The following SMURF1 variants were observed in gnomAD, a reference collection of about 807,000 sequenced individuals.
The protein encoded by SMURF1 is E3 ubiquitin-protein ligase SMURF1.
A neutral mutation model predicts 98.0 loss-of-function variants in SMURF1; 44 were observed. The ratio of observed to expected loss-of-function variants is 0.45; its 90% CI spans 0.35 to 0.58. The LOEUF is 0.58. SMURF1 is among the 20% of genes least tolerant of loss of function. SMURF1 has a pLI of 0.00. For missense variants in SMURF1, 687 were observed against 938.4 expected, an observed-to-expected ratio of 0.73 and a Z score of 3.50; for synonymous variants, 396 against 374.9, an observed-to-expected ratio of 1.06 and a Z score of -0.65.
At chr7:99,135,956 T>C (rs925229997) in intron 1 of SMURF1, among the ~76,000 whole-genome samples, 8 of 152,248 alleles carry the variant, frequency 5.3e-5, no homozygotes, top group Non-Finnish European at 1.0e-4. Flanking sequence ...AATTGTTTCA[T>C]TCTTACTTTT....
chr7:99,104,313 A>C (rs1797150486), intron 1 of SMURF1, among the ~76,000 whole-genome samples: 1 of 152,210 alleles, frequency 6.6e-6, no homozygotes, highest in Admixed American at 6.5e-5. Context: ...AATAAATAGT[A>C]ATAAAAGTAT....
intron 1 of SMURF1, among the ~76,000 whole-genome samples, chr7:99,128,593 C>T (rs1031861303): frequency 2.0e-5 from 3 of 152,202 alleles, no homozygotes; most frequent in Non-Finnish European, 4.4e-5. Context: ...GACTATCATT[C>T]AAGCTCTATA....
intron 1 of SMURF1, among the ~76,000 whole-genome samples, chr7:99,131,345 G>T (rs1379577087): frequency 6.6e-6 from 1 of 151,972 alleles, no homozygotes; most frequent in Non-Finnish European, 1.5e-5. Context: ...CTCCTCACCC[G>T]GCCTGAGAAT....
intron 1 of SMURF1, among the ~76,000 whole-genome samples, chr7:99,125,464 G>A (rs1584207388): frequency 6.6e-6 from 1 of 152,206 alleles, no homozygotes; most frequent in African/African-American, 2.4e-5. Flanking sequence ...CCCAATAAAG[G>A]AGTGCTTATG....
At chr7:99,126,554 T>G (rs1419502620) in intron 1 of SMURF1, among the ~76,000 whole-genome samples, 1 of 151,892 alleles carries the variant, frequency 6.6e-6, no homozygotes, top group African/African-American at 2.4e-5. Flanking sequence ...TACTCGGAGG[T>G]TGAGGCAGGA....
rs959787319 is a variant in SMURF1 at position 99,027,961 on chromosome 7, TC to T, written c.*2622del. 6.6e-6 allele frequency: 1 copy of T among 152,658 alleles called. No homozygotes were observed. The highest frequency in any genetic ancestry group is 1.5e-5 in the Non-Finnish European group (1 of 68,074). The allele number at this position is 152,658 out of a possible 1,614,324, so 9.5% of individuals were successfully genotyped here. ...TTTTCAGAACTTGAGAGAGCCCTTT[TC>T]CGGTCGCCCCGGGCCTCCCAGGCAG... is the stretch of plus-strand genomic sequence containing the variant. On this transcript the variant is annotated 3_prime_UTR_variant, in exon 18 of 18. Transcript: ENST00000361368.
At chr7:99,062,324 C>T (rs1256304194) in intron 1 of SMURF1, among the ~76,000 whole-genome samples, 1 of 152,126 alleles carries the variant, frequency 6.6e-6, no homozygotes, top group Non-Finnish European at 1.5e-5. Context: ...TTCTCTTATA[C>T]TGCATATGAT....
chr7:99,047,375 T>C (rs1795617074), intron 10 of SMURF1, among the ~76,000 whole-genome samples: 1 of 152,254 alleles, frequency 6.6e-6, no homozygotes, highest in Non-Finnish European at 1.5e-5. Context: ...TGCTAGTTTC[T>C]GTATACACCT....
At chr7:99,077,865 CTCAGGG>C (rs938867124) in intron 1 of SMURF1, among the ~76,000 whole-genome samples, 5 of 152,082 alleles carry the variant, frequency 3.3e-5, no homozygotes, top group African/African-American at 1.2e-4. Context: ...GTTTTGAAGA[CTCAGGG>C]TAAAATTTTT....
intron 17 of SMURF1, among the ~76,000 whole-genome samples, chr7:99,032,093 T>G (rs2150488560): frequency 6.6e-6 from 1 of 152,214 alleles, no homozygotes; most frequent in East Asian, 1.9e-4. Context: ...GCCCAATACA[T>G]CCAAACTAAA....
chr7:99,084,403 A>G (rs1273602514), intron 1 of SMURF1, among the ~76,000 whole-genome samples: 1 of 152,150 alleles, frequency 6.6e-6, no homozygotes, highest in Non-Finnish European at 1.5e-5. Context: ...GGGTTGAACA[A>G]ATGGAAAAAC....
intron 13 of SMURF1, 129 bp downstream of exon 13, chr7:99,040,249 G>T (rs899910620): frequency 4.8e-6 from 5 of 1,048,248 alleles, no homozygotes; most frequent in South Asian, 3.1e-5. Flanking sequence ...TTTGTTTCAG[G>T]TTATAATACA....
At chr7:99,060,386 A>C (rs1366904865) in intron 3 of SMURF1, among the ~76,000 whole-genome samples, 4 of 150,576 alleles carry the variant, frequency 2.7e-5, no homozygotes, top group Non-Finnish European at 5.9e-5. Flanking sequence ...CTCAAAAAAA[A>C]AAAAAAAAAA....
intron 2 of SMURF1, 21 bp from the exon 3 acceptor site, chr7:99,060,728 A>G: frequency 6.5e-7 from 1 of 1,539,196 alleles, no homozygotes; most frequent in East Asian, 2.2e-5. Context: ...GAGGAGACCC[A>G]CACCTAGATG....
rs114663734 is a variant in SMURF1 at position 99,133,317 on chromosome 7, G to A, written c.55+10409C>T. ...ACACTAAAATTGGGGGAGGCTGAGT[G>A]AAGGGTACACAGGACCTCCCGGTAC... On this transcript the variant is annotated intron_variant, in intron 1 of 17. Coordinates refer to ENST00000361368, the MANE Select transcript of SMURF1 (RefSeq NM_181349.3). Among the ~76,000 whole-genome samples, 374 of 151,950 alleles carry A rather than the reference G, an allele frequency of 2.5e-3. 3 individuals carry two copies. Among genetic ancestry groups the A allele is most frequent in the African/African-American group, 7.4e-3 (308 of 41,406 alleles).
intron 1 of SMURF1, among the ~76,000 whole-genome samples, chr7:99,129,591 T>A (rs1000355718): frequency 6.6e-6 from 1 of 152,182 alleles, no homozygotes; most frequent in Non-Finnish European, 1.5e-5. Context: ...AGGGTCTTGC[T>A]GTGTTGCCCC....
rs3801242 is a variant in SMURF1 at position 99,034,066 on chromosome 7, T to A, written c.2012-945A>T. 1.2e-4 allele frequency among the ~76,000 whole-genome samples: 19 copies of A among 152,320 alleles called. No individual in the cohort carries two copies. In the East Asian group the frequency reaches 3.3e-3, roughly 26 times the overall value. On this transcript the variant is annotated intron_variant, in intron 16 of 17. Coordinates refer to ENST00000361368, the MANE Select transcript of SMURF1 (RefSeq NM_181349.3). ...CTTTATGTTGGGCAGAGGGTCTCAGTGTGCAGCCCCTGGTTTCTGGGGTCC... is the reference window on the plus strand; with the variant it reads ...CTTTATGTTGGGCAGAGGGTCTCAGAGTGCAGCCCCTGGTTTCTGGGGTCC...
chr7:99,038,960 G>A (rs192994231), intron 13 of SMURF1, among the ~76,000 whole-genome samples: 110 of 152,164 alleles, frequency 7.2e-4, no homozygotes, highest in Non-Finnish European at 9.6e-4. Flanking sequence ...TTGGGATACC[G>A]AGGCGGGTGG....
chr7:99,055,600 A>T (rs2150531871), intron 5 of SMURF1, among the ~76,000 whole-genome samples: 1 of 152,286 alleles, frequency 6.6e-6, no homozygotes, highest in Non-Finnish European at 1.5e-5. Flanking sequence ...GCCTCAGAGT[A>T]GCTAGACTAC....
Sources: gnomAD v4.1 joint callset for allele counts (sites outside exome capture counted in the v4.1 genomes callset) on GRCh38, gnomAD v4.1.1 for gene constraint, MANE v1.5 for transcripts, NCBI Gene and HGNC (gene_info 2026-07-23, HGNC 2026-07-21) for gene names.